Variants in SOX10 observed in about 807,000 individuals in gnomAD.
SOX10 encodes SRY-box transcription factor 10, also known as transcription factor SOX-10.
In SOX10, 3 loss-of-function variants were observed where a neutral mutation model predicts 35.0. That is an observed-to-expected ratio of 0.09 (90% CI 0.04 to 0.22). SOX10 has a LOEUF of 0.22. Among genes scored for constraint, SOX10 ranks in the 10% least tolerant of loss-of-function variants. The pLI, the probability that SOX10 is intolerant of heterozygous loss-of-function variation, is 1.00. For synonymous variants in SOX10, 285 were observed against 291.0 expected, an observed-to-expected ratio of 0.98 and a Z score of 0.21; for missense variants, 436 against 655.1, an observed-to-expected ratio of 0.67 and a Z score of 3.65.
At position 37,980,200 on chromosome 22, in the gene SOX10, A is replaced by T. The variant is rs751308456; in HGVS notation, c.429-2065T>A. Among the ~76,000 whole-genome samples the T allele has an allele frequency of 1.1e-3, 163 of 152,006 alleles. 3 individuals are homozygous for T. Among genetic ancestry groups the T allele is most frequent in the Non-Finnish European group, 3.5e-4 (24 of 67,982 alleles). ...GAGTGGGATGTGGGCACCCTCTCTG[A>T]CGGCTGGGACCAGGGGAGGGGGTGG... On this transcript the variant is annotated intron_variant, in intron 2 of 3. Coordinates refer to ENST00000396884, the MANE Select transcript of SOX10 (RefSeq NM_006941.4). The surrounding 1 kb of genome is among the most constrained non-coding windows in gnomAD (Gnocchi z 4.1).
intron 2 of SOX10, among the ~76,000 whole-genome samples, chr22:37,981,712 C>T (rs1932402026): frequency 6.6e-6 from 1 of 152,224 alleles, no homozygotes; most frequent in Non-Finnish European, 1.5e-5. Context: ...TCTTTGTCCC[C>T]TGGCACTAAA....
chr22:37,982,659 C>T (rs1932436367), intron 2 of SOX10, among the ~76,000 whole-genome samples: 1 of 151,986 alleles, frequency 6.6e-6, no homozygotes, highest in Non-Finnish European at 1.5e-5. Flanking sequence ...GGGAAGATGG[C>T]GCCGAACTGG....
Position 37,983,737 on chromosome 22 carries a change from G to T in SOX10, c.48C>A (p.Gly16=), listed in dbSNP as rs1342383657. Residue 16 remains glycine (G), a synonymous_variant, in exon 2 of 4, where the codon GGC becomes GGA. Transcript: ENST00000396884. This position sits in a 1 kb window ranked among gnomAD's most constrained non-coding sequence, Gnocchi z 9.5. Reference sequence around the variant, plus strand: ...GGGACAGGCAGCGGGGCTCCTCCGAGCCCACGGGGCTCAGCTCCACCTCCG... The same window carrying T: ...GGGACAGGCAGCGGGGCTCCTCCGATCCCACGGGGCTCAGCTCCACCTCCG... ...DLSEVELSPV[G]SEEPRCLSPG... The T allele has an allele frequency of 6.7e-7, 1 of 1,482,784 alleles. No individual in the cohort carries two copies. Among genetic ancestry groups the T allele is most frequent in the Admixed American group, 2.4e-5 (1 of 41,586 alleles). The allele number at this position is 1,482,784 out of a possible 1,614,324, so 91.9% of individuals were successfully genotyped here. A position where few individuals can be genotyped will look rare whatever the true frequency, so the allele number is the denominator to read the frequency against.
Position 37,983,560 on chromosome 22 carries a change from G to T in SOX10, c.225C>A (p.Ala75=). The T allele has an allele frequency of 1.2e-6, 2 of 1,610,252 alleles. No individual in the cohort carries two copies. Among genetic ancestry groups the T allele is most frequent in the Non-Finnish European group, 1.7e-6 (2 of 1,178,900 alleles). The change falls in exon 2 of 4, where the codon GCC becomes GCA. Residue 75 remains alanine (A), a synonymous_variant. Transcript: ENST00000396884. The surrounding 1 kb of genome is among the most constrained non-coding windows in gnomAD (Gnocchi z 9.5). The part of the protein sequence containing the change: ...DDKFPVCIRE[A]VSQVLSGYDW... The stretch of plus-strand genomic sequence containing the variant: ...CGTAGCCGCTGAGCACCTGGCTGAC[G>T]GCCTCGCGGATGCACACGGGGAACT...
At position 37,983,628 on chromosome 22, in the gene SOX10, T is replaced by G. The variant is rs2145777456; in HGVS notation, c.157A>C (p.Lys53Gln). 3.1e-6 allele frequency: 5 copies of G among 1,604,234 alleles called. No homozygotes were observed. Among genetic ancestry groups the G allele is most frequent in the African/African-American group, 1.3e-5 (1 of 74,960 alleles). Residue 53 changes from lysine (K) to glutamine (Q), a missense_variant, in exon 2 of 4, where the codon AAG (lysine) becomes CAG (glutamine). Coordinates refer to ENST00000396884, the MANE Select transcript of SOX10 (RefSeq NM_006941.4). This position sits in a 1 kb window ranked among gnomAD's most constrained non-coding sequence, Gnocchi z 9.5. The stretch of plus-strand genomic sequence containing the variant: ...CCGTCCTGCTGCTCCTTCTTGACCT[T>G]GCCCAGCTCGCCTGGCCCCGGGCTG... ...RASPGPGELGKVKKEQQDGEA... is the reference protein window; with the variant it reads ...RASPGPGELGQVKKEQQDGEA...
At position 37,983,652 on chromosome 22, in the gene SOX10, T is replaced by C; in HGVS notation, c.133A>G (p.Ser45Gly). The change falls in exon 2 of 4, where the codon AGC becomes GGC. Residue 45 changes from serine (S) to glycine (G), a missense_variant. Around this residue, in one of 3 missense-constraint regions of SOX10, gnomAD observed 97 missense variants for 95.5 expected, o/e 1.02. Transcript: ENST00000396884. This position sits in a 1 kb window ranked among gnomAD's most constrained non-coding sequence, Gnocchi z 9.5. ...TTGCCCAGCTCGCCTGGCCCCGGGC[T>C]GGCTCGCAGGCCCGATCCGCCGCCG... ...GGGGGSGLRASPGPGELGKVK... is the reference protein window; with the variant it reads ...GGGGGSGLRAGPGPGELGKVK... 1.3e-6 allele frequency: 2 copies of C among 1,595,392 alleles called. No homozygotes were observed. The highest frequency in any genetic ancestry group is 1.7e-6 in the Non-Finnish European group (2 of 1,175,934).
At position 37,978,215 on chromosome 22, in the gene SOX10, A is replaced by G; in HGVS notation, c.429-80T>C. On this transcript the variant is annotated intron_variant, in intron 2 of 3. Coordinates refer to ENST00000396884, the MANE Select transcript of SOX10 (RefSeq NM_006941.4). The surrounding 1 kb of genome is among the most constrained non-coding windows in gnomAD (Gnocchi z 5.0). ...AGCACTCCAGGTTGGCCTCCCTCTG[A>G]GTGTCCATCTTGGAAGATGTGAGGC... 2.8e-6 allele frequency: 4 copies of G among 1,403,626 alleles called. No homozygotes were observed. The highest frequency in any genetic ancestry group is 2.8e-6 in the Non-Finnish European group (3 of 1,065,468). 86.9% of individuals were successfully genotyped at this position (1,403,626 alleles called of 1,614,324 possible).
chr22:37,978,725 C>A lies in SOX10; in HGVS notation c.429-590G>T, dbSNP rs1422878930. ...AGAATAATGGATGTGAGATGCCTTG[C>A]ACCAGGGCCTGGGAAGCGGGCTGAG... On this transcript the variant is annotated intron_variant, in intron 2 of 3. Coordinates refer to ENST00000396884, the MANE Select transcript of SOX10 (RefSeq NM_006941.4). The surrounding 1 kb of genome is among the most constrained non-coding windows in gnomAD (Gnocchi z 5.0). Among the ~76,000 whole-genome samples the A allele has an allele frequency of 2.0e-5, 3 of 152,116 alleles. No homozygotes were observed. Among genetic ancestry groups the A allele is most frequent in the African/African-American group, 2.4e-5 (1 of 41,426 alleles).
Position 37,973,455 on chromosome 22 carries a change from G to C in SOX10, c.*40C>G. The C allele has an allele frequency of 2.2e-6, 3 of 1,337,648 alleles. No homozygotes were observed. The highest frequency in any genetic ancestry group is 1.0e-6 in the Non-Finnish European group (1 of 968,962). 82.9% of individuals were successfully genotyped at this position (1,337,648 alleles called of 1,614,324 possible). A position where few individuals can be genotyped will look rare whatever the true frequency, so the allele number is the denominator to read the frequency against. Reference sequence around the variant, plus strand: ...CAAGGAACAGGGCACACAGGCTGGGGGCAGGGGCTGGGCGGGGGGTGGTGG... The same window carrying C: ...CAAGGAACAGGGCACACAGGCTGGGCGCAGGGGCTGGGCGGGGGGTGGTGG... On this transcript the variant is annotated 3_prime_UTR_variant, in exon 4 of 4. Transcript: ENST00000396884.
Position 37,983,809 on chromosome 22 carries a change from CG to C in SOX10, c.-26del. On this transcript the variant is annotated 5_prime_UTR_variant, in exon 2 of 4. Coordinates refer to ENST00000396884, the MANE Select transcript of SOX10 (RefSeq NM_006941.4). The surrounding 1 kb of genome is among the most constrained non-coding windows in gnomAD (Gnocchi z 9.5). ...TGTCGCCCCCGGCCGCCGCCGCCGC[CG>C]CCTCGGCCGCCTCCCCCGGGCCAGC... The C allele has an allele frequency of 7.1e-7, 1 of 1,406,770 alleles. No homozygotes were observed. Among genetic ancestry groups the C allele is most frequent in the Non-Finnish European group, 9.3e-7 (1 of 1,078,922 alleles). 87.1% of individuals were successfully genotyped at this position (1,406,770 alleles called of 1,614,324 possible). A position where few individuals can be genotyped will look rare whatever the true frequency, so the allele number is the denominator to read the frequency against.
chr22:37,974,038 C>A lies in SOX10; in HGVS notation c.858G>T (p.Met286Ile). The change falls in exon 4 of 4, where the codon ATG becomes ATT. Residue 286 changes from methionine to isoleucine, a missense_variant. This residue lies in a region of SOX10 where 285 missense variants were observed against 402.9 expected (regional missense o/e 0.71). Transcript: ENST00000396884. This position sits in a 1 kb window ranked among gnomAD's most constrained non-coding sequence, Gnocchi z 5.4. ...VDIGEISHEV[M>I]SNMETFDVAE... ...CCACATCAAAGGTCTCCATGTTGGA[C>A]ATTACCTCGTGGCTGATCTCACCAA... is the stretch of plus-strand genomic sequence containing the variant. 6.2e-7 allele frequency: 1 copy of A among 1,614,048 alleles called. No individual in the cohort carries two copies. Among genetic ancestry groups the A allele is most frequent in the South Asian group, 1.1e-5 (1 of 91,086 alleles).
chr22:37,973,753 G>A lies in SOX10; in HGVS notation c.1143C>T (p.Thr381=). Reference sequence around the variant, plus strand: ...AGCCATAGTGGGGCAGGCTGAGGGAGGTGTAGGCGATCTGTGAGGTGGATG... The same window carrying A: ...AGCCATAGTGGGGCAGGCTGAGGGAAGTGTAGGCGATCTGTGAGGTGGATG... ...DQPSTSQIAY[T]SLSLPHYGSA... Residue 381 remains threonine, a synonymous_variant, in exon 4 of 4, where the codon ACC becomes ACT. Coordinates refer to ENST00000396884, the MANE Select transcript of SOX10 (RefSeq NM_006941.4). 3.8e-6 allele frequency: 6 copies of A among 1,599,192 alleles called. No individual in the cohort carries two copies. The highest frequency in any genetic ancestry group is 4.3e-6 in the Non-Finnish European group (5 of 1,170,478).
At position 37,974,699 on chromosome 22, in the gene SOX10, T is replaced by G. The variant is rs1932173077; in HGVS notation, c.698-501A>C. Among the ~76,000 whole-genome samples, 2 of 152,210 alleles carry G rather than the reference T, an allele frequency of 1.3e-5. No individual in the cohort carries two copies. The highest frequency in any genetic ancestry group is 4.8e-5 in the African/African-American group (2 of 41,448). ...TCTTAGATTGATCTCTAGTTGTTTATGAAATTCTCAAATCTTAGGGATGGG... is the reference window on the plus strand; with the variant it reads ...TCTTAGATTGATCTCTAGTTGTTTAGGAAATTCTCAAATCTTAGGGATGGG... On this transcript the variant is annotated intron_variant, in intron 3 of 3. Coordinates refer to ENST00000396884, the MANE Select transcript of SOX10 (RefSeq NM_006941.4). This position sits in a 1 kb window ranked among gnomAD's most constrained non-coding sequence, Gnocchi z 5.4.
In SOX10 at chr22:37,983,683, G is replaced by C; in HGVS notation, c.102C>G (p.Asp34Glu). The change falls in exon 2 of 4, where the codon GAC (aspartate) becomes GAG (glutamate). Residue 34 changes from aspartate (D) to glutamate (E), a missense_variant. Around this residue, in one of 3 missense-constraint regions of SOX10, gnomAD observed 97 missense variants for 95.5 expected, o/e 1.02. Coordinates refer to ENST00000396884, the MANE Select transcript of SOX10 (RefSeq NM_006941.4). The surrounding 1 kb of genome is among the most constrained non-coding windows in gnomAD (Gnocchi z 9.5). ...GCAGGCCCGATCCGCCGCCGCCGCC[G>C]TCGGGCCCTAGCGAGGGCGCGCTCC... ...SPGSAPSLGP[D>E]GGGGGSGLRA... 1 of 1,558,146 alleles carries C rather than the reference G, an allele frequency of 6.4e-7. No individual in the cohort carries two copies. The highest frequency in any genetic ancestry group is 8.6e-7 in the Non-Finnish European group (1 of 1,158,814).
intron 3 of SOX10, among the ~76,000 whole-genome samples, chr22:37,977,344 A>G (rs1422954749): frequency 6.7e-6 from 1 of 148,650 alleles, no homozygotes; most frequent in African/African-American, 2.5e-5. Flanking sequence ...TCTTTGAGAC[A>G]GAGTCTCGCT....
chr22:37,979,644 T>G (rs1932334423), intron 2 of SOX10, among the ~76,000 whole-genome samples: 1 of 152,086 alleles, frequency 6.6e-6, no homozygotes, highest in East Asian at 1.9e-4. Flanking sequence ...GAACAGTCCC[T>G]GAAACCAACA....
In SOX10 at chr22:37,983,342, C is replaced by T. The variant is rs1932459897; in HGVS notation, c.428+15G>A. ...AGCTAGAGGGCCCGAGCCCGGGGGG[C>T]GGTCGGGTGCTCACCTCCAGAGCTT... is the stretch of plus-strand genomic sequence containing the variant. On this transcript the variant is annotated intron_variant, in intron 2 of 3. Transcript: ENST00000396884. The surrounding 1 kb of genome is among the most constrained non-coding windows in gnomAD (Gnocchi z 9.5). The T allele has an allele frequency of 3.7e-6, 6 of 1,600,104 alleles. No individual in the cohort carries two copies. In the East Asian group the frequency reaches 1.4e-4, roughly 36 times the overall value.
At chr22:37,975,741 C>G (rs927920242) in intron 3 of SOX10, among the ~76,000 whole-genome samples, 2 of 152,250 alleles carry the variant, frequency 1.3e-5, no homozygotes, top group South Asian at 4.2e-4. Flanking sequence ...CTTCTCTTAA[C>G]TAGTTTCCTT....
Position 37,980,277 on chromosome 22 carries a change from C to T in SOX10, c.429-2142G>A, listed in dbSNP as rs145977785. Among the ~76,000 whole-genome samples, 138 of 152,134 alleles carry T rather than the reference C, an allele frequency of 9.1e-4. No individual in the cohort carries two copies. The highest frequency in any genetic ancestry group is 3.4e-3 in the Middle Eastern group (1 of 294). The stretch of plus-strand genomic sequence containing the variant: ...AGAACCCACAGAGGAGAGAGCTGCT[C>T]CGCCAGCAGTGGACCCCAACAGAGG... On this transcript the variant is annotated intron_variant, in intron 2 of 3. Transcript: ENST00000396884. This position sits in a 1 kb window ranked among gnomAD's most constrained non-coding sequence, Gnocchi z 4.1.
Sources: gnomAD v4.1 joint callset for allele counts (sites outside exome capture counted in the v4.1 genomes callset) on GRCh38, gnomAD v4.1.1 for gene constraint, gnomAD v4.1.1 regional missense constraint, Gnocchi (gnomAD v3.1) non-coding constraint, MANE v1.5 for transcripts, NCBI Gene and HGNC (gene_info 2026-07-23, HGNC 2026-07-21) for gene names.